SHANK2: variants seen among roughly 807,000 people sequenced by gnomAD.
SHANK2 encodes the protein SH3 and multiple ankyrin repeat domains protein 2.
A neutral mutation model predicts 133.7 loss-of-function variants in SHANK2; 43 were observed. The ratio of observed to expected loss-of-function variants is 0.32; its 90% CI spans 0.25 to 0.41. SHANK2 has a LOEUF of 0.41. Among genes scored for constraint, SHANK2 ranks in the 10% least tolerant of loss-of-function variants. SHANK2 has a pLI of 1.00. For missense variants in SHANK2, 1,994 were observed against 2,235.8 expected (o/e 0.89, Z 2.18); for synonymous variants, 1,017 against 952.8 (o/e 1.07, Z -1.24).
intron 14 of SHANK2, among the ~76,000 whole-genome samples, chr11:70,770,323 G>A (rs1947219537): frequency 6.6e-6 from 1 of 152,204 alleles, no homozygotes. Flanking sequence ...GCAGACTTGG[G>A]AAGGCCCCTG....
At chr11:70,678,330 C>T (rs1040522433) in intron 15 of SHANK2, among the ~76,000 whole-genome samples, 4 of 151,854 alleles carry the variant, frequency 2.6e-5, no homozygotes, top group Non-Finnish European at 4.4e-5. Flanking sequence ...GATGGGGTCT[C>T]GCTTTGTTGC....
At chr11:71,125,419 G>C (rs1184447552) in intron 3 of SHANK2, among the ~76,000 whole-genome samples, 1 of 152,208 alleles carries the variant, frequency 6.6e-6, no homozygotes, top group Admixed American at 6.5e-5. Flanking sequence ...CCTTAGTGCT[G>C]ACAGGGAGAA....
At chr11:70,760,369 C>T (rs1410941571) in intron 14 of SHANK2, among the ~76,000 whole-genome samples, 2 of 152,226 alleles carry the variant, frequency 1.3e-5, no homozygotes, top group Non-Finnish European at 2.9e-5. Flanking sequence ...AGTCTCCCTT[C>T]TAAATTTATA....
chr11:70,674,434 C>A lies in SHANK2; in HGVS notation c.1854-12756G>T, dbSNP rs145027784. 2.5e-3 allele frequency among the ~76,000 whole-genome samples: 378 copies of A among 152,194 alleles called. 2 individuals are homozygous for A. The highest frequency in any genetic ancestry group is 8.9e-3 in the African/African-American group (368 of 41,502). ...CATGATCTTGGCTCACTGCAACCTC[C>A]AACTCCCAGGTTCAAGTGATTCTCT... On this transcript the variant is annotated intron_variant, in intron 15 of 25. Coordinates refer to ENST00000601538, the MANE Select transcript of SHANK2 (RefSeq NM_012309.5).
At chr11:70,489,499 C>A in intron 23 of SHANK2, 151 bp from the exon 24 acceptor site, 1 of 778,076 alleles carries the variant, frequency 1.3e-6, no homozygotes, top group Non-Finnish European at 2.3e-6. Flanking sequence ...AGTTATCCAC[C>A]TGAGACTCAC....
At chr11:70,774,315 G>A (rs1947315982) in intron 14 of SHANK2, among the ~76,000 whole-genome samples, 1 of 151,122 alleles carries the variant, frequency 6.6e-6, no homozygotes, top group South Asian at 2.1e-4. Context: ...GGAAATCGGG[G>A]AGTGACTTTT....
chr11:70,474,054 G>C (rs1057171235), intron 25 of SHANK2: 10 of 183,180 alleles, frequency 5.5e-5, no homozygotes, highest in Non-Finnish European at 1.2e-4. Context: ...AACCCCTGTA[G>C]CTACGCAGGG....
intron 14 of SHANK2, among the ~76,000 whole-genome samples, chr11:70,755,633 G>A (rs935653948): frequency 2.6e-5 from 4 of 152,174 alleles, no homozygotes; most frequent in East Asian, 1.9e-4. Flanking sequence ...CCTGGCAACC[G>A]GCCTTTCTCG....
intron 12 of SHANK2, among the ~76,000 whole-genome samples, chr11:70,813,149 C>A (rs1198026691): frequency 2.6e-5 from 4 of 152,036 alleles, no homozygotes; most frequent in African/African-American, 9.7e-5. Flanking sequence ...GTCAACTGGG[C>A]AGAAGCACAG....
intron 15 of SHANK2, among the ~76,000 whole-genome samples, chr11:70,672,295 C>T (rs1208584687): frequency 3.3e-5 from 5 of 152,148 alleles, no homozygotes; most frequent in African/African-American, 9.7e-5. Flanking sequence ...AACTCCTGAC[C>T]TCAAGTGATC....
chr11:70,890,796 T>TC (rs1185097777), intron 11 of SHANK2, among the ~76,000 whole-genome samples: 1 of 29,276 alleles, frequency 3.4e-5, no homozygotes, highest in African/African-American at 1.1e-4. Flanking sequence ...TGAAACTGTC[T>TC]CAAAAAAAAA....
chr11:71,095,604 C>T (rs536521358), intron 6 of SHANK2, among the ~76,000 whole-genome samples: 7 of 152,330 alleles, frequency 4.6e-5, no homozygotes, highest in African/African-American at 1.7e-4. Flanking sequence ...AACTCGGATG[C>T]CTTTCACAAG....
chr11:70,815,374 G>C (rs1948371008), intron 12 of SHANK2, among the ~76,000 whole-genome samples: 2 of 152,134 alleles, frequency 1.3e-5, no homozygotes, highest in African/African-American at 4.8e-5. Flanking sequence ...CTGTCTCAGA[G>C]GGACAGCCCT....
chr11:70,879,036 C>T (rs986610067), intron 11 of SHANK2, among the ~76,000 whole-genome samples: 9 of 152,212 alleles, frequency 5.9e-5, no homozygotes, highest in African/African-American at 1.9e-4. Flanking sequence ...AAGCTGCCCC[C>T]ATCTTGGTGG....
intron 1 of SHANK2, among the ~76,000 whole-genome samples, chr11:71,231,450 T>C (rs1212111464): frequency 6.6e-6 from 1 of 152,230 alleles, no homozygotes; most frequent in Non-Finnish European, 1.5e-5. Context: ...GTGGAAAACC[T>C]GGATCTTACA....
chr11:70,865,239 CT>C (rs1555068785), intron 11 of SHANK2: 1 of 152,114 alleles, frequency 6.6e-6, no homozygotes, highest in African/African-American at 2.4e-5. Context: ...TGAGTCAGAC[CT>C]GCATCCCACC....
chr11:70,720,990 A>C (rs1415577796), intron 14 of SHANK2, among the ~76,000 whole-genome samples: 1 of 152,220 alleles, frequency 6.6e-6, no homozygotes, highest in Non-Finnish European at 1.5e-5. Context: ...TCTGGAACCC[A>C]AAGGAGTCCA....
intron 17 of SHANK2, among the ~76,000 whole-genome samples, chr11:70,532,235 T>C (rs1565103448): frequency 6.6e-6 from 1 of 152,150 alleles, no homozygotes; most frequent in African/African-American, 2.4e-5. Flanking sequence ...CCCCATACTG[T>C]GCAAGATAAA....
intron 15 of SHANK2, among the ~76,000 whole-genome samples, chr11:70,681,155 TG>T (rs1945021202): frequency 6.6e-6 from 1 of 152,184 alleles, no homozygotes; most frequent in Non-Finnish European, 1.5e-5. Context: ...GGGAGGGTCC[TG>T]CCTCTTGAAG....
Sources: allele counts gnomAD v4.1 joint callset (sites outside exome capture counted in the v4.1 genomes callset), GRCh38; gene constraint gnomAD v4.1.1; transcripts MANE v1.5; gene names NCBI Gene and HGNC (gene_info 2026-07-23, HGNC 2026-07-21).